The following ELN variants were observed in gnomAD, a reference collection of about 807,000 sequenced individuals.
ELN encodes elastin.
ELN carries 65 observed loss-of-function variants against 105.8 expected under a neutral mutation model. That is an observed-to-expected ratio of 0.61 (90% CI 0.50 to 0.75). The LOEUF is 0.75. Ranked by LOEUF, ELN falls within the 30% of genes least tolerant of loss-of-function variation. The probability of loss-of-function intolerance (pLI) is 0.00; values close to 1 mark genes in which losing one functional copy is unlikely to be tolerated. For synonymous variants in ELN, 368 were observed against 389.2 expected, an observed-to-expected ratio of 0.95 and a Z score of 0.64; for missense variants, 882 against 969.4, an observed-to-expected ratio of 0.91 and a Z score of 1.20.
intron 5 of ELN, among the ~76,000 whole-genome samples, chr7:74,042,174 C>G (rs559359836): frequency 6.6e-6 from 1 of 150,678 alleles, no homozygotes; most frequent in East Asian, 2.0e-4. Context: ...AATCCTAGCA[C>G]TTTGGGAGGC....
intron 4 of ELN, 116 bp downstream of exon 4, chr7:74,037,855 A>C: frequency 6.9e-7 from 1 of 1,453,046 alleles, no homozygotes; most frequent in Non-Finnish European, 9.4e-7. Flanking sequence ...GCCAACGGGC[A>C]GGAGGAAGGA....
chr7:74,035,458 T>C (rs1584486395), intron 2 of ELN, 44 bp downstream of exon 2: 2 of 1,609,870 alleles, frequency 1.2e-6, no homozygotes, highest in Non-Finnish European at 1.7e-6. Context: ...ATGCGGATGA[T>C]GCTGATGTCC....
intron 1 of ELN, among the ~76,000 whole-genome samples, chr7:74,031,001 C>T (rs1348848720): frequency 6.6e-6 from 1 of 152,240 alleles, no homozygotes; most frequent in Non-Finnish European, 1.5e-5. Flanking sequence ...TGGCAGCCTT[C>T]TGCATGCAAA....
intron 4 of ELN, 61 bp downstream of exon 4, chr7:74,037,800 A>G (rs1790326339): frequency 6.3e-7 from 1 of 1,585,698 alleles, no homozygotes; most frequent in Non-Finnish European, 8.6e-7. Flanking sequence ...GGAGGAGCCT[A>G]CCCAGCTGGG....
chr7:74,051,786 G>T lies in ELN; in HGVS notation c.836G>T (p.Gly279Val). The T allele has an allele frequency of 1.2e-6, 2 of 1,614,210 alleles. No homozygotes were observed. Among genetic ancestry groups the T allele is most frequent in the African/African-American group, 2.7e-5 (2 of 75,062 alleles). Reference protein sequence around the residue: ...GAAGVLPGVGGAGVPGVPGAI... With the variant: ...GAAGVLPGVGVAGVPGVPGAI... Reference sequence around the variant, plus strand: ...GCCGGAGTCCTCCCTGGTGTTGGAGGGGCTGGTGTTCCTGGCGTGCCTGGG... The same window carrying T: ...GCCGGAGTCCTCCCTGGTGTTGGAGTGGCTGGTGTTCCTGGCGTGCCTGGG... The change falls in exon 16 of 33, where the codon GGG becomes GTG. Residue 279 changes from glycine to valine, a missense_variant. Transcript: ENST00000252034.
chr7:74,051,235 AG>A (rs1483049478), intron 15 of ELN, among the ~76,000 whole-genome samples: 1 of 152,188 alleles, frequency 6.6e-6, no homozygotes, highest in Non-Finnish European at 1.5e-5. Context: ...TGTGGGGAGA[AG>A]CCTGAAGCTG....
intron 4 of ELN, among the ~76,000 whole-genome samples, chr7:74,040,167 C>T (rs1335579644): frequency 2.6e-5 from 4 of 152,248 alleles, no homozygotes; most frequent in African/African-American, 9.6e-5. Context: ...AGCCTCTTCT[C>T]ACTTCCTGTG....
chr7:74,063,263 ATCTAACCAGTACAGAGTGCC>A lies in ELN; in HGVS notation c.1858+42_1859-25del. 6.3e-7 allele frequency: 1 copy of A among 1,588,878 alleles called. No individual in the cohort carries two copies. The stretch of plus-strand genomic sequence containing the variant: ...CCAGGAGGGGCAGGGTGGGGAGGGA[ATCTAACCAGTACAGAGTGCC>A]TCCCTGAACTCGGTCTGTGTTCCCA... On this transcript the variant is annotated intron_variant, in intron 27 of 32. Transcript: ENST00000252034. The surrounding 1 kb of genome is among the most constrained non-coding windows in gnomAD (Gnocchi z 4.1).
intron 29 of ELN, 24 bp from the exon 30 acceptor site, chr7:74,065,670 C>T: frequency 6.2e-7 from 1 of 1,613,414 alleles, no homozygotes; most frequent in Non-Finnish European, 8.5e-7. Context: ...CATTCCTGAG[C>T]CGTCATGTGC....
chr7:74,065,299 C>T (rs1371337649), intron 29 of ELN, among the ~76,000 whole-genome samples: 4 of 151,618 alleles, frequency 2.6e-5, no homozygotes, highest in Admixed American at 1.3e-4. Flanking sequence ...CATGGGCAGA[C>T]GGTAAAGGGT....
Position 74,046,779 on chromosome 7 carries a change from G to A in ELN, c.643+12G>A. The A allele has an allele frequency of 1.9e-6, 3 of 1,613,984 alleles. No homozygotes were observed. The highest frequency in any genetic ancestry group is 2.5e-6 in the Non-Finnish European group (3 of 1,179,960). On this transcript the variant is annotated intron_variant, in intron 12 of 32. Coordinates refer to ENST00000252034, the MANE Select transcript of ELN (RefSeq NM_000501.4). ...CCCCAAGCTGCCTGGTAAGTCAGAG[G>A]GACGGTTCAAGATGCACCACTCGGC...
chr7:74,035,473 T>C (rs372742689), intron 2 of ELN, 59 bp downstream of exon 2: 103 of 1,591,498 alleles, frequency 6.5e-5, no homozygotes, highest in Non-Finnish European at 8.4e-5. Flanking sequence ...ATGTCCATAA[T>C]AGATGCACAT....
chr7:74,037,822 GA>G, intron 4 of ELN, 83 bp downstream of exon 4: 2 of 1,562,672 alleles, frequency 1.3e-6, no homozygotes, highest in Non-Finnish European at 1.7e-6. Context: ...ATGGGACAAG[GA>G]AACTAGGAAC....
Position 74,042,650 on chromosome 7 carries a change from C to G in ELN, c.269C>G (p.Ala90Gly), listed in dbSNP as rs1468207996. The G allele has an allele frequency of 3.1e-6, 5 of 1,613,576 alleles. No individual in the cohort carries two copies. The highest frequency in any genetic ancestry group is 1.1e-5 in the South Asian group (1 of 91,088). ...GAFPAVTFPG[A>G]LVPGGVADAA... ...TTCCCCGCAGTTACCTTTCCGGGGG[C>G]TCTGGTGCCTGGTGGAGTGGCTGAC... is the stretch of plus-strand genomic sequence containing the variant. The change falls in exon 6 of 33, where the codon GCT becomes GGT. Residue 90 changes from alanine to glycine, a missense_variant. By Grantham distance (60) the Ala-to-Gly change is moderately conservative. Transcript: ENST00000252034.
chr7:74,043,628 A>G, intron 8 of ELN: 1 of 639,722 alleles, frequency 1.6e-6, no homozygotes, highest in South Asian at 1.8e-5. Flanking sequence ...TGTTAGCCAG[A>G]GGTGGGCTGG....
rs782133793 is a variant in ELN, at chr7:74,051,935, C to CCAGCTGCAGCTG, written c.912_923dup (p.Ala308_Ala311dup). On this transcript the variant is annotated inframe_insertion, in exon 17 of 33. Transcript: ENST00000252034. The stretch of plus-strand genomic sequence containing the variant: ...GGCTGTGTTTTCAGGCGTTGGGACT[C>CCAGCTGCAGCTG]CAGCTGCAGCTGCAGCTGCAGCAGC... The CCAGCTGCAGCTG allele has an allele frequency of 1.7e-5, 28 of 1,613,504 alleles. No individual in the cohort carries two copies. The African/African-American group carries it at 2.3e-4, about 13-fold the overall frequency.
At chr7:74,036,841 G>A (rs924998732) in intron 3 of ELN, among the ~76,000 whole-genome samples, 2 of 152,120 alleles carry the variant, frequency 1.3e-5, no homozygotes, top group African/African-American at 4.8e-5. Context: ...AGGACGGGGG[G>A]ACAGAGTCTC....
In ELN at chr7:74,069,353, T is replaced by G. The variant is rs1457968173; in HGVS notation, c.*653T>G. 4.2e-6 allele frequency: 1 copy of G among 236,368 alleles called. No individual in the cohort carries two copies. Among genetic ancestry groups the G allele is most frequent in the Non-Finnish European group, 8.4e-6 (1 of 119,622 alleles). 14.6% of individuals were successfully genotyped at this position (236,368 alleles called of 1,614,324 possible). A position where few individuals can be genotyped will look rare whatever the true frequency, so the allele number is the denominator to read the frequency against. The stretch of plus-strand genomic sequence containing the variant: ...ATCCATCCGCCCATCCGTCCATTCA[T>G]CCATCGGTCCGTCCATCCATGTCCC... On this transcript the variant is annotated 3_prime_UTR_variant, in exon 33 of 33. Transcript: ENST00000252034.
intron 21 of ELN, chr7:74,057,288 C>T (rs1324762646): frequency 1.0e-6 from 1 of 998,322 alleles, no homozygotes; most frequent in Non-Finnish European, 1.4e-6. Flanking sequence ...GCCAGGAAGC[C>T]ATTCTCTTCT....
Sources: gnomAD v4.1 joint callset for allele counts (sites outside exome capture counted in the v4.1 genomes callset) on GRCh38, gnomAD v4.1.1 for gene constraint, Gnocchi (gnomAD v3.1) non-coding constraint, MANE v1.5 for transcripts, NCBI Gene and HGNC (gene_info 2026-07-23, HGNC 2026-07-21) for gene names.